The following KIAA1217 variants were observed in gnomAD, a reference collection of about 807,000 sequenced individuals.
The protein encoded by KIAA1217 is KIAA1217, also known as sickle tail protein homolog.
In KIAA1217, 88 loss-of-function variants were observed where a neutral mutation model predicts 163.9. That is an observed-to-expected ratio of 0.54 (90% confidence interval 0.45 to 0.64). The LOEUF is 0.64. KIAA1217 is among the 30% of genes least tolerant of loss of function. The pLI, the probability that KIAA1217 is intolerant of heterozygous loss-of-function variation, is 0.00. For missense variants in KIAA1217, 2,372 were observed against 2,475.0 expected, an observed-to-expected ratio of 0.96 and a Z score of 0.88; for synonymous variants, 903 against 923.1, an observed-to-expected ratio of 0.98 and a Z score of 0.39.
At chr10:24,017,900 C>T (rs1303433780) in intron 2 of KIAA1217, among the ~76,000 whole-genome samples, 2 of 152,092 alleles carry the variant, frequency 1.3e-5, no homozygotes, top group Middle Eastern at 3.2e-3. Flanking sequence ...GTGCACATCT[C>T]ATTCAGAGTT....
At chr10:23,947,991 G>T (rs983888796) in intron 1 of KIAA1217, among the ~76,000 whole-genome samples, 3 of 152,132 alleles carry the variant, frequency 2.0e-5, no homozygotes, top group Non-Finnish European at 4.4e-5. Context: ...GCTCAGAAAC[G>T]TGTCTTCCAC....
At chr10:24,479,321 T>C (rs2064380198) in intron 6 of KIAA1217, among the ~76,000 whole-genome samples, 1 of 151,756 alleles carries the variant, frequency 6.6e-6, no homozygotes, top group Non-Finnish European at 1.5e-5. Context: ...AAATTCAGAT[T>C]TATGTCATTG....
At chr10:23,729,944 C>T (rs1838382368) in intron 1 of KIAA1217, among the ~76,000 whole-genome samples, 2 of 151,808 alleles carry the variant, frequency 1.3e-5, no homozygotes, top group Admixed American at 6.6e-5. Flanking sequence ...CTCTGTCACC[C>T]AGGCTGGAGT....
intron 2 of KIAA1217, among the ~76,000 whole-genome samples, chr10:24,229,714 T>C (rs2071102282): frequency 6.6e-6 from 1 of 152,114 alleles, no homozygotes; most frequent in South Asian, 2.1e-4. Context: ...AGACAAGGTT[T>C]CACCATATTG....
At chr10:24,484,242 T>TATATATATATATA (rs34504704) in intron 6 of KIAA1217, among the ~76,000 whole-genome samples, 25 of 48,216 alleles carry the variant, frequency 5.2e-4, no homozygotes, top group South Asian at 1.4e-3. Flanking sequence ...TATATATATA[T>TATATATATATATA]TTTTTTTTTT....
intron 1 of KIAA1217, among the ~76,000 whole-genome samples, chr10:23,824,954 A>T (rs1199818148): frequency 6.6e-6 from 1 of 152,058 alleles, no homozygotes; most frequent in Non-Finnish European, 1.5e-5. Flanking sequence ...ATATGGCTCC[A>T]TTTGAAAGGT....
intron 1 of KIAA1217, among the ~76,000 whole-genome samples, chr10:23,840,852 C>T (rs1838743124): frequency 3.9e-5 from 6 of 152,150 alleles, no homozygotes; most frequent in Admixed American, 3.9e-4. Context: ...TCATATTACC[C>T]TGCTTGTACT....
intron 2 of KIAA1217, among the ~76,000 whole-genome samples, chr10:24,236,813 G>A (rs918462260): frequency 1.3e-5 from 2 of 151,668 alleles, no homozygotes; most frequent in African/African-American, 4.8e-5. Context: ...CAGCACGCCG[G>A]GCTAATTTTT....
At chr10:24,194,600 G>T (rs971192978) in intron 2 of KIAA1217, among the ~76,000 whole-genome samples, 3 of 151,180 alleles carry the variant, frequency 2.0e-5, no homozygotes, top group Non-Finnish European at 2.9e-5. Context: ...TTTGGAGACA[G>T]TCTCGCTCTG....
chr10:24,196,238 G>A (rs1027225641), intron 2 of KIAA1217, among the ~76,000 whole-genome samples: 1 of 151,860 alleles, frequency 6.6e-6, no homozygotes, highest in Non-Finnish European at 1.5e-5. Context: ...AATTAATTAG[G>A]CATCCTGTGT....
chr10:23,853,850 T>C (rs368734707), intron 1 of KIAA1217, among the ~76,000 whole-genome samples: 4 of 152,128 alleles, frequency 2.6e-5, no homozygotes, highest in South Asian at 2.1e-4. Context: ...TCTGTGGGAT[T>C]GGTGGTGATA....
intron 2 of KIAA1217, among the ~76,000 whole-genome samples, chr10:24,098,324 G>T (rs980707024): frequency 2.0e-5 from 3 of 152,062 alleles, no homozygotes; most frequent in African/African-American, 7.2e-5. Context: ...ACACTTAGAG[G>T]AAAAATAAAG....
intron 1 of KIAA1217, among the ~76,000 whole-genome samples, chr10:23,750,746 C>T (rs935263272): frequency 1.1e-4 from 17 of 152,050 alleles, no homozygotes; most frequent in Admixed American, 2.6e-4. Context: ...GCTGTGACTG[C>T]GTAATGGTGG....
rs1838362394 is a variant in KIAA1217 at position 23,834,619 on chromosome 10, T to C, written c.-321+139385T>C. On this transcript the variant is annotated intron_variant, in intron 1 of 18. Coordinates refer to the KIAA1217 transcript ENST00000376462. Reference sequence around the variant, plus strand: ...GGTCAGTGTTAACTCATAAAAATGATGAGAGAAATCTTCATTAAAATGGCA... The same window carrying C: ...GGTCAGTGTTAACTCATAAAAATGACGAGAGAAATCTTCATTAAAATGGCA... Among the ~76,000 whole-genome samples, 3 of 152,082 alleles carry C rather than the reference T, an allele frequency of 2.0e-5. No individual in the cohort carries two copies. The South Asian group carries it at 6.2e-4, about 32-fold the overall frequency.
In KIAA1217 at chr10:24,531,960, C is replaced by G. The variant is rs1374017422; in HGVS notation, c.3213C>G (p.Val1071=). 1.3e-6 allele frequency: 2 copies of G among 1,591,684 alleles called. No homozygotes were observed. Among genetic ancestry groups the G allele is most frequent in the Non-Finnish European group, 1.7e-6 (2 of 1,166,388 alleles). ...CCACCACGAGGTCAGGCGATGTGGT[C>G]TACACCGGCAGAAAGGAGAACATCA... ...GLTTTRSGDV[V]YTGRKENITA... The change falls in exon 15 of 21, where the codon GTC becomes GTG. Residue 1071 remains valine (V), a synonymous_variant. Transcript: ENST00000376454.
chr10:24,267,276 T>G (rs890626011), intron 2 of KIAA1217, among the ~76,000 whole-genome samples: 3 of 152,284 alleles, frequency 2.0e-5, no homozygotes, highest in Admixed American at 2.0e-4. Context: ...TAAAGACCAC[T>G]TGTGGTCTCT....
chr10:24,098,106 C>A (rs372434576), intron 2 of KIAA1217, among the ~76,000 whole-genome samples: 2 of 151,998 alleles, frequency 1.3e-5, no homozygotes, highest in African/African-American at 4.8e-5. Context: ...GGTTATGGAC[C>A]TGATGACCTT....
chr10:24,278,132 G>A (rs1033120208), intron 2 of KIAA1217, among the ~76,000 whole-genome samples: 3 of 152,198 alleles, frequency 2.0e-5, no homozygotes, highest in African/African-American at 7.2e-5. Flanking sequence ...GTCTGCATGA[G>A]CCACTTTGGA....
intron 1 of KIAA1217, among the ~76,000 whole-genome samples, chr10:23,840,814 C>T (rs1002843711): frequency 1.3e-5 from 2 of 152,128 alleles, no homozygotes; most frequent in African/African-American, 2.4e-5. Flanking sequence ...AATCAGAGTT[C>T]GACAGAACTG....
Sources: allele counts gnomAD v4.1 joint callset (sites outside exome capture counted in the v4.1 genomes callset), GRCh38; gene constraint gnomAD v4.1.1; transcripts MANE v1.5; gene names NCBI Gene and HGNC (gene_info 2026-07-23, HGNC 2026-07-21).